DGKB: variants seen among roughly 807,000 people sequenced by gnomAD.
DGKB encodes diacylglycerol kinase beta.
In DGKB, 67 loss-of-function variants were observed where a neutral mutation model predicts 114.3. The ratio of observed to expected loss-of-function variants is 0.59; its 90% CI spans 0.48 to 0.72. DGKB has a LOEUF of 0.72. Ranked by LOEUF, DGKB falls within the 30% of genes least tolerant of loss-of-function variation. DGKB has a pLI of 0.00. For synonymous variants in DGKB, 398 were observed against 323.1 expected, an observed-to-expected ratio of 1.23 and a Z score of -2.49; for missense variants, 907 against 975.2, an observed-to-expected ratio of 0.93 and a Z score of 0.93.
chr7:14,409,071 A>G (rs543946068), intron 21 of DGKB, among the ~76,000 whole-genome samples: 13 of 152,302 alleles, frequency 8.5e-5, no homozygotes, highest in Non-Finnish European at 1.6e-4. Flanking sequence ...ATGTAAACAA[A>G]CATAAAGATC....
chr7:14,282,685 C>G (rs1584921068), intron 23 of DGKB, among the ~76,000 whole-genome samples: 2 of 150,038 alleles, frequency 1.3e-5, no homozygotes, highest in East Asian at 2.0e-4. Flanking sequence ...GGCTTCATCC[C>G]TGGGATGCAA....
intron 2 of DGKB, among the ~76,000 whole-genome samples, chr7:14,770,739 A>G (rs1172495259): frequency 6.6e-6 from 1 of 152,126 alleles, no homozygotes; most frequent in African/African-American, 2.4e-5. Flanking sequence ...GCCAAGAGGT[A>G]TTGGCAACCT....
intron 17 of DGKB, among the ~76,000 whole-genome samples, chr7:14,604,237 A>G (rs931364453): frequency 5.9e-5 from 9 of 152,254 alleles, no homozygotes; most frequent in African/African-American, 2.2e-4. Context: ...ATGGAAACAC[A>G]TAATACACAC....
At chr7:14,422,964 G>A (rs537951823) in intron 21 of DGKB, among the ~76,000 whole-genome samples, 3 of 151,982 alleles carry the variant, frequency 2.0e-5, no homozygotes, top group Non-Finnish European at 4.4e-5. Flanking sequence ...AAACTAGGCT[G>A]TAAGGAATGA....
At chr7:14,539,652 T>G (rs1224952739) in intron 20 of DGKB, among the ~76,000 whole-genome samples, 1 of 152,144 alleles carries the variant, frequency 6.6e-6, no homozygotes, top group African/African-American at 2.4e-5. Context: ...ATAGCCATGT[T>G]AACTCAGTAA....
chr7:14,357,697 G>A (rs1814848517), intron 21 of DGKB, among the ~76,000 whole-genome samples: 1 of 152,128 alleles, frequency 6.6e-6, no homozygotes, highest in Admixed American at 6.5e-5. Flanking sequence ...AGCATTGATG[G>A]TCTTTATAAT....
At chr7:14,873,392 G>A (rs539526022) in intron 1 of DGKB, among the ~76,000 whole-genome samples, 14 of 152,088 alleles carry the variant, frequency 9.2e-5, no homozygotes, top group African/African-American at 2.9e-4. Context: ...AACTGAAAAC[G>A]TCTTAAAACA....
chr7:14,956,832 A>C (rs892470649), intron 1 of DGKB, among the ~76,000 whole-genome samples: 1 of 151,584 alleles, frequency 6.6e-6, no homozygotes, highest in Non-Finnish European at 1.5e-5. Context: ...TGATACTTCT[A>C]CTAGAGGGAA....
intron 20 of DGKB, among the ~76,000 whole-genome samples, chr7:14,558,774 G>T (rs570129194): frequency 6.6e-6 from 1 of 152,118 alleles, no homozygotes; most frequent in Admixed American, 6.6e-5. Context: ...CACTCCTGTA[G>T]GTTCAGTATG....
At chr7:14,747,775 G>GCGCGCGTGCGCGCACACACACACA in intron 4 of DGKB, among the ~76,000 whole-genome samples, 1 of 149,178 alleles carries the variant, frequency 6.7e-6, no homozygotes, top group East Asian at 2.0e-4. Context: ...ACATCCACGC[G>GCGCGCGTGCGCGCACACACACACA]CACGCACACA....
intron 20 of DGKB, among the ~76,000 whole-genome samples, chr7:14,496,763 A>C (rs1785369562): frequency 4.6e-5 from 7 of 151,746 alleles, no homozygotes; most frequent in Admixed American, 4.0e-4. Context: ...ACAAAGATGA[A>C]AACAGAGGAT....
chr7:14,640,597 T>A (rs572318160), intron 13 of DGKB, among the ~76,000 whole-genome samples: 3 of 152,242 alleles, frequency 2.0e-5, no homozygotes, highest in African/African-American at 7.2e-5. Flanking sequence ...TCGAGAACTA[T>A]CCTTATTCCA....
intron 2 of DGKB, among the ~76,000 whole-genome samples, chr7:14,828,860 T>C (rs1846046821): frequency 6.6e-6 from 1 of 152,088 alleles, no homozygotes; most frequent in Admixed American, 6.6e-5. Context: ...AGTCTGAATG[T>C]AGGACATTAT....
At chr7:14,623,791 A>C (rs2128821755) in intron 14 of DGKB, among the ~76,000 whole-genome samples, 1 of 152,288 alleles carries the variant, frequency 6.6e-6, no homozygotes, top group African/African-American at 2.4e-5. Context: ...GCAAATTATA[A>C]TTTTATTCAT....
At chr7:14,511,227 T>C (rs1235871605) in intron 20 of DGKB, among the ~76,000 whole-genome samples, 1 of 152,210 alleles carries the variant, frequency 6.6e-6, no homozygotes, top group Non-Finnish European at 1.5e-5. Context: ...TAAAAGTCTG[T>C]TTTGTCTACA....
rs535831056 is a variant in DGKB at position 14,774,053 on chromosome 7, C to T, written c.71-16322G>A. On this transcript the variant is annotated intron_variant, in intron 2 of 25. Coordinates refer to ENST00000402815, the MANE Select transcript of DGKB (RefSeq NM_001350709.2). ...GATTGTTTGTTTGTTTTTGCCCTGA[C>T]ACTCCATTAGTGTTATTTATTCTCA... 3.3e-5 allele frequency among the ~76,000 whole-genome samples: 5 copies of T among 152,252 alleles called. No individual in the cohort carries two copies. The South Asian group carries it at 1.0e-3, about 31-fold the overall frequency.
chr7:14,226,718 A>G (rs1790857914), intron 23 of DGKB, among the ~76,000 whole-genome samples: 1 of 152,098 alleles, frequency 6.6e-6, no homozygotes, highest in Admixed American at 6.6e-5. Context: ...TAATTATCAA[A>G]TATTTATCAA....
At chr7:14,560,753 C>T (rs547732568) in intron 20 of DGKB, among the ~76,000 whole-genome samples, 2 of 152,242 alleles carry the variant, frequency 1.3e-5, no homozygotes, top group African/African-American at 4.8e-5. Flanking sequence ...TACAACAGTT[C>T]TATTTTTCAT....
intron 13 of DGKB, among the ~76,000 whole-genome samples, chr7:14,662,076 G>A (rs4409300): frequency 0.74 from 112,574 of 151,818 alleles, 41,942 homozygotes; most frequent in Admixed American, 0.81. Flanking sequence ...TAGGGGAGAG[G>A]GATATCAATG....
Sources: allele counts gnomAD v4.1 joint callset (sites outside exome capture counted in the v4.1 genomes callset), GRCh38; gene constraint gnomAD v4.1.1; transcripts MANE v1.5; gene names NCBI Gene and HGNC (gene_info 2026-07-23, HGNC 2026-07-21).